Variants in PDXDC1 observed in about 807,000 individuals in gnomAD.
PDXDC1 encodes pyridoxal dependent decarboxylase domain containing 1.
In PDXDC1, 42 loss-of-function variants were observed where a neutral mutation model predicts 100.1. That is an observed-to-expected ratio of 0.42 (90% CI 0.33 to 0.54). The LOEUF (loss-of-function observed/expected upper bound fraction) is 0.54. Ranked by LOEUF, PDXDC1 falls within the 20% of genes least tolerant of loss-of-function variation. The pLI is 0.10. For missense variants in PDXDC1, 636 were observed against 979.2 expected (o/e 0.65, Z 4.68); for synonymous variants, 260 against 371.7 (o/e 0.70, Z 3.46).
chr16:15,097,277 A>G (rs1598049932), intron 16 of PDXDC1, among the ~76,000 whole-genome samples: 2 of 151,766 alleles, frequency 1.3e-5, no homozygotes, highest in East Asian at 3.9e-4. Flanking sequence ...CTCTTAAAAA[A>G]AAAAAGGGAA....
In PDXDC1 at chr16:15,034,533, G is replaced by C. The variant is rs371778511; in HGVS notation, c.1982G>C (p.Arg661Thr). 26 of 1,613,880 alleles carry C rather than the reference G, an allele frequency of 1.6e-5. No individual in the cohort carries two copies. The African/African-American group carries it at 3.1e-4, about 19-fold the overall frequency. The part of the protein sequence containing the change: ...FSPVQALQKG[R>T]TFNLTAGSLE... Reference sequence around the variant, plus strand: ...CCGGTCCAGGCTTTACAGAAGGGAAGAACTTTTAACTTGACAGCAGGTAGG... The same window carrying C: ...CCGGTCCAGGCTTTACAGAAGGGAACAACTTTTAACTTGACAGCAGGTAGG... Residue 661 changes from arginine to threonine, a missense_variant, in exon 21 of 23, where the codon AGA becomes ACA. Arg to Thr is a moderately conservative substitution (Grantham distance 71). This residue lies in a region of PDXDC1 where 452 missense variants were observed against 402.9 expected (regional missense o/e 1.12). Transcript: ENST00000396410.
downstream of PDXDC1, chr16:15,039,913 T>TG (rs2043732273): frequency 9.9e-7 from 1 of 1,008,424 alleles, no homozygotes; most frequent in African/African-American, 1.6e-5. Context: ...CTTAAGGCCT[T>TG]GACATTTGAT....
chr16:15,125,800 C>G (rs1346242909), intron 16 of PDXDC1: 2 of 1,311,644 alleles, frequency 1.5e-6, no homozygotes, highest in Non-Finnish European at 2.2e-6. Flanking sequence ...GCTCGGGCTC[C>G]CAGCCACCTG....
intron 16 of PDXDC1, chr16:15,133,775 C>G: frequency 1.9e-6 from 3 of 1,588,892 alleles, no homozygotes; most frequent in African/African-American, 1.3e-5. Flanking sequence ...GCTGCTCCCC[C>G]TAAGCAGGCC....
chr16:15,012,869 A>T (rs2041439822), intron 8 of PDXDC1, among the ~76,000 whole-genome samples: 1 of 147,578 alleles, frequency 6.8e-6, no homozygotes, highest in Non-Finnish European at 1.5e-5. Flanking sequence ...AAAAAAAAAA[A>T]TTCTTTAAAA....
intron 1 of PDXDC1, among the ~76,000 whole-genome samples, chr16:14,991,033 C>T (rs147073155): frequency 7.8e-3 from 1,184 of 152,100 alleles, no homozygotes; most frequent in African/African-American, 0.026. Flanking sequence ...TGAGCCACTG[C>T]GCCCGGCCAG....
At chr16:15,132,856 G>C in intron 16 of PDXDC1, 1 of 1,587,572 alleles carries the variant, frequency 6.3e-7, no homozygotes, top group African/African-American at 1.3e-5. Context: ...CTGCCGCCAC[G>C]TCCAGGGCCC....
Position 15,031,894 on chromosome 16 carries a change from T to C in PDXDC1, c.1559T>C (p.Ile520Thr), listed in dbSNP as rs1479976654. 7 of 1,609,024 alleles carry C rather than the reference T, an allele frequency of 4.4e-6. No individual in the cohort carries two copies. The highest frequency in any genetic ancestry group is 5.9e-6 in the Non-Finnish European group (7 of 1,177,224). The change falls in exon 17 of 23, where the codon ATA becomes ACA. Residue 520 changes from isoleucine to threonine, a missense_variant. Coordinates refer to ENST00000396410, the MANE Select transcript of PDXDC1 (RefSeq NM_015027.4). ...GTTGATGACCCTAACTGGTCTGGAA[T>C]AGGGGTTGTCAGGTAAAGTCTTGGC... is the stretch of plus-strand genomic sequence containing the variant. Reference protein sequence around the residue: ...LYVDDPNWSGIGVVRYEHAND... With the variant: ...LYVDDPNWSGTGVVRYEHAND...
intron 16 of PDXDC1, chr16:15,084,708 G>T (rs775300651): frequency 3.7e-6 from 6 of 1,611,316 alleles, no homozygotes; most frequent in Middle Eastern, 1.6e-4. Context: ...AGGAAGATCT[G>T]AAAGGAGAAA....
At chr16:15,101,902 G>T (rs528209838) in intron 16 of PDXDC1, among the ~76,000 whole-genome samples, 39 of 151,914 alleles carry the variant, frequency 2.6e-4, no homozygotes, top group South Asian at 4.1e-4. Flanking sequence ...AGGCTGGACT[G>T]CAATGGCGTG....
chr16:15,130,573 C>G (rs1235517738), intron 16 of PDXDC1: 4 of 1,372,120 alleles, frequency 2.9e-6, no homozygotes, highest in Non-Finnish European at 3.1e-6. Flanking sequence ...GGGCCTGTAA[C>G]CCGGGCAATG....
At position 15,058,273 on chromosome 16, in the gene PDXDC1, G is replaced by T. The variant is rs552315386; in HGVS notation, c.1399+28217G>T. Among the ~76,000 whole-genome samples, 3 of 151,830 alleles carry T rather than the reference G, an allele frequency of 2.0e-5. 1 individual carries two copies. The highest frequency in any genetic ancestry group is 7.2e-5 in the African/African-American group (3 of 41,382). ...TGTGCCACTGCACTCCTGCCTGGGTGATTACAGCAAGACCGTCTCAAAAAA... is the reference window on the plus strand; with the variant it reads ...TGTGCCACTGCACTCCTGCCTGGGTTATTACAGCAAGACCGTCTCAAAAAA... On this transcript the variant is annotated intron_variant, in intron 16 of 16. Coordinates refer to the PDXDC1 transcript ENST00000535621.
At chr16:15,008,132 A>G (rs1459654440) in intron 6 of PDXDC1, among the ~76,000 whole-genome samples, 1 of 152,400 alleles carries the variant, frequency 6.6e-6, no homozygotes, top group Non-Finnish European at 1.5e-5. Context: ...TTTAAGGAGA[A>G]AAATGTGCTT....
At chr16:15,152,103 C>G in the PDXDC1 span, among the ~76,000 whole-genome samples, 1 of 146,900 alleles carries the variant, frequency 6.8e-6, no homozygotes, top group Non-Finnish European at 1.5e-5. Flanking sequence ...GCCATCTTTT[C>G]CAAAAGCCAC....
intron 16 of PDXDC1, chr16:15,135,888 C>G: frequency 6.3e-7 from 1 of 1,576,062 alleles, no homozygotes; most frequent in Non-Finnish European, 8.7e-7. Context: ...CAGTAGTGCC[C>G]CACAGGCAGC....
the PDXDC1 span, among the ~76,000 whole-genome samples, chr16:15,148,912 T>C: frequency 1.1e-3 from 161 of 152,306 alleles, 3 homozygotes; most frequent in East Asian, 0.022. Context: ...GTGTGACTTC[T>C]TGTCCACATT....
rs1794045581 is a variant in PDXDC1 at position 15,038,309 on chromosome 16, A to ATAAT, written c.*2035_*2038dup. 2.4e-6 allele frequency: 2 copies of ATAAT among 847,686 alleles called. No homozygotes were observed. Among genetic ancestry groups the ATAAT allele is most frequent in the Admixed American group, 5.7e-5 (2 of 35,180 alleles). 52.5% of individuals were successfully genotyped at this position (847,686 alleles called of 1,614,324 possible). On this transcript the variant is annotated 3_prime_UTR_variant, in exon 23 of 23. Coordinates refer to ENST00000396410, the MANE Select transcript of PDXDC1 (RefSeq NM_015027.4). ...TCTTTGTTCTTGGACACAAATATAT[A>ATAAT]TAATAAAATACGTTAAGAAATGAGG...
chr16:15,082,680 G>T lies in PDXDC1; in HGVS notation c.1399+52624G>T, dbSNP rs532621722. Among the ~76,000 whole-genome samples, 17 of 141,318 alleles carry T rather than the reference G, an allele frequency of 1.2e-4. 1 individual carries two copies. The highest frequency in any genetic ancestry group is 7.6e-3 in the Middle Eastern group (2 of 264). 92.7% of individuals were successfully genotyped at this position (141,318 alleles called of 152,430 possible). A position where few individuals can be genotyped will look rare whatever the true frequency, so the allele number is the denominator to read the frequency against. On this transcript the variant is annotated intron_variant, in intron 16 of 16. Transcript: ENST00000535621. Reference sequence around the variant, plus strand: ...AGACGGAGACTGTCCCCCCACCCCTGAAAAAAAAAAAATCAATCTTGCATT... The same window carrying T: ...AGACGGAGACTGTCCCCCCACCCCTTAAAAAAAAAAAATCAATCTTGCATT...
intron 11 of PDXDC1, among the ~76,000 whole-genome samples, chr16:15,018,552 G>A (rs1327601532): frequency 6.6e-6 from 1 of 152,272 alleles, no homozygotes; most frequent in East Asian, 1.9e-4. Flanking sequence ...AGCTACCTTC[G>A]AAGTGGGGAG....
Sources: allele counts gnomAD v4.1 joint callset (sites outside exome capture counted in the v4.1 genomes callset), GRCh38; gene constraint gnomAD v4.1.1; regional missense constraint gnomAD v4.1.1; transcripts MANE v1.5; gene names NCBI Gene and HGNC (gene_info 2026-07-23, HGNC 2026-07-21).